The following NPAS2 variants were observed in gnomAD, a reference collection of about 807,000 sequenced individuals.
The protein encoded by NPAS2 is neuronal PAS domain-containing protein 2.
NPAS2 carries 23 observed loss-of-function variants against 107.5 expected under a neutral mutation model. That is an observed-to-expected ratio of 0.21 (90% confidence interval 0.15 to 0.30). The LOEUF (loss-of-function observed/expected upper bound fraction) is 0.30. Ranked by LOEUF, NPAS2 falls within the 10% of genes least tolerant of loss-of-function variation. The pLI, the probability that NPAS2 is intolerant of heterozygous loss-of-function variation, is 1.00. For synonymous variants in NPAS2, 403 were observed against 417.5 expected (o/e 0.97, Z 0.42); for missense variants, 756 against 1,043.3 (o/e 0.72, Z 3.79).
At chr2:100,842,352 A>G (rs1157547165) in intron 1 of NPAS2, among the ~76,000 whole-genome samples, 2 of 152,052 alleles carry the variant, frequency 1.3e-5, no homozygotes, top group East Asian at 3.9e-4. Flanking sequence ...TTGGGGAGGG[A>G]GGCAGCTACT....
At position 100,909,737 on chromosome 2, in the gene NPAS2, G is replaced by GT. The variant is rs34081201; in HGVS notation, c.32+4965dup. Among the ~76,000 whole-genome samples the GT allele has an allele frequency of 2.1e-3, 304 of 146,866 alleles. 1 individual carries two copies. Among genetic ancestry groups the GT allele is most frequent in the Middle Eastern group, 7.0e-3 (2 of 286 alleles). On this transcript the variant is annotated intron_variant, in intron 2 of 20. Transcript: ENST00000335681. Reference sequence around the variant, plus strand: ...AAAACATCTCTGAGGCTTCCTCTTTGTTTTTTTTTTTTTTATGGTTAAGGC... The same window carrying GT: ...AAAACATCTCTGAGGCTTCCTCTTTGTTTTTTTTTTTTTTTATGGTTAAGGC...
At position 100,947,612 on chromosome 2, in the gene NPAS2, C is replaced by G. The variant is rs533951486; in HGVS notation, c.364-623C>G. ...GTTCACACTAGCCACGTTTCAAGTG[C>G]TCAGTAACCATGTGGCTAGTGGCTC... On this transcript the variant is annotated intron_variant, in intron 5 of 20. Transcript: ENST00000335681. Among the ~76,000 whole-genome samples the G allele has an allele frequency of 7.9e-5, 12 of 152,186 alleles. 1 individual carries two copies. The East Asian group carries it at 2.3e-3, about 29-fold the overall frequency.
At chr2:100,991,323 C>T (rs1170504796) in intron 19 of NPAS2, among the ~76,000 whole-genome samples, 1 of 152,226 alleles carries the variant, frequency 6.6e-6, no homozygotes, top group African/African-American at 2.4e-5. Context: ...GCCTCCTCTC[C>T]ACTAGCACCG....
At chr2:100,831,483 G>A (rs1489798120) in intron 1 of NPAS2, among the ~76,000 whole-genome samples, 1 of 152,120 alleles carries the variant, frequency 6.6e-6, no homozygotes, top group African/African-American at 2.4e-5. Flanking sequence ...GGGGTGTGTG[G>A]TAAGGTGGGG....
rs13392938 is a variant in NPAS2, at chr2:100,955,591, C to T, written c.598+6111C>T. 4.1e-3 allele frequency among the ~76,000 whole-genome samples: 618 copies of T among 152,268 alleles called. 3 individuals carry two copies. The highest frequency in any genetic ancestry group is 0.014 in the African/African-American group (590 of 41,542). ...GAAGAGCTGCAGTCACTTCTTTGGC[C>T]TTAAATCCAAAGTGGAGATTGAACA... On this transcript the variant is annotated intron_variant, in intron 7 of 20. Transcript: ENST00000335681.
At chr2:100,823,382 A>T (rs1404444228) in intron 1 of NPAS2, among the ~76,000 whole-genome samples, 1 of 152,128 alleles carries the variant, frequency 6.6e-6, no homozygotes, top group Non-Finnish European at 1.5e-5. Context: ...TCCCCCAGAG[A>T]CCACTTGAAC....
chr2:100,831,910 G>T (rs889306386), intron 1 of NPAS2, among the ~76,000 whole-genome samples: 15 of 151,986 alleles, frequency 9.9e-5, no homozygotes, highest in Non-Finnish European at 2.1e-4. Flanking sequence ...TCTCAAACCT[G>T]CAAACCCATA....
At chr2:100,964,573 T>C (rs2105154182) in intron 8 of NPAS2, among the ~76,000 whole-genome samples, 1 of 152,320 alleles carries the variant, frequency 6.6e-6, no homozygotes, top group African/African-American at 2.4e-5. Context: ...AATGAGTAAT[T>C]CAGATTCCGA....
At chr2:100,939,043 C>G (rs868280345) in intron 5 of NPAS2, among the ~76,000 whole-genome samples, 5 of 152,160 alleles carry the variant, frequency 3.3e-5, no homozygotes, top group Admixed American at 6.5e-5. Flanking sequence ...GCCCAGGGAA[C>G]AGCGTGGCCT....
At chr2:100,980,500 C>A (rs933368936) in intron 15 of NPAS2, among the ~76,000 whole-genome samples, 1 of 151,954 alleles carries the variant, frequency 6.6e-6, no homozygotes, top group African/African-American at 2.4e-5. Flanking sequence ...GACGGGGTCT[C>A]ACTCTGTTGC....
In NPAS2 at chr2:100,996,014, T is replaced by C. The variant is rs1678427768; in HGVS notation, c.*432T>C. On this transcript the variant is annotated 3_prime_UTR_variant, in exon 21 of 21. Coordinates refer to ENST00000335681, the MANE Select transcript of NPAS2 (RefSeq NM_002518.4). The stretch of plus-strand genomic sequence containing the variant: ...GAGAAGGACTGGGTCAGAGATCTGT[T>C]GGAGAGAGAGAATAAAGAGATTATT... 5.2e-6 allele frequency: 6 copies of C among 1,161,594 alleles called. No individual in the cohort carries two copies. The highest frequency in any genetic ancestry group is 5.5e-6 in the Non-Finnish European group (5 of 906,700). 72.0% of individuals were successfully genotyped at this position (1,161,594 alleles called of 1,614,324 possible).
At chr2:100,943,267 A>G (rs13429998) in intron 5 of NPAS2, among the ~76,000 whole-genome samples, 3,176 of 152,268 alleles carry the variant, frequency 0.021, 77 homozygotes, top group African/African-American at 0.055. Flanking sequence ...ATGGAGTTGT[A>G]CTTTGCTTTT....
chr2:100,915,504 C>T (rs1222880371), intron 2 of NPAS2, among the ~76,000 whole-genome samples: 3 of 152,158 alleles, frequency 2.0e-5, no homozygotes, highest in Admixed American at 6.5e-5. Flanking sequence ...TGATCTTGAG[C>T]AGCATACCAT....
In NPAS2 at chr2:100,927,719, C is replaced by T. The variant is rs182644055; in HGVS notation, c.181+2425C>T. ...ATCACACGATCACCTGCATATGCCA[C>T]TTGAACTCATCCTTGAGCTCACATC... is the stretch of plus-strand genomic sequence containing the variant. On this transcript the variant is annotated intron_variant, in intron 3 of 20. Transcript: ENST00000335681. 2.0e-3 allele frequency among the ~76,000 whole-genome samples: 306 copies of T among 152,356 alleles called. 1 individual carries two copies. The highest frequency in any genetic ancestry group is 6.8e-3 in the African/African-American group (283 of 41,586).
chr2:100,968,596 G>C lies in NPAS2; in HGVS notation c.1055+168G>C, dbSNP rs1488307566. On this transcript the variant is annotated intron_variant, in intron 11 of 20. Coordinates refer to ENST00000335681, the MANE Select transcript of NPAS2 (RefSeq NM_002518.4). The surrounding 1 kb of genome is among the most constrained non-coding windows in gnomAD (Gnocchi z 5.3). ...TGCCGTTAACAGCACAATTCCCAGA[G>C]CTCAGCTCGCTTCCAGGCACCACTG... Among the ~76,000 whole-genome samples the C allele has an allele frequency of 1.3e-5, 2 of 152,138 alleles. No homozygotes were observed. Among genetic ancestry groups the C allele is most frequent in the African/African-American group, 4.8e-5 (2 of 41,434 alleles).
At chr2:100,835,846 A>G (rs1259048552) in intron 1 of NPAS2, among the ~76,000 whole-genome samples, 1 of 152,162 alleles carries the variant, frequency 6.6e-6, no homozygotes, top group Admixed American at 6.5e-5. Context: ...GGTCACCCCA[A>G]AACATATCCT....
At chr2:100,942,341 C>T (rs77561918) in intron 5 of NPAS2, among the ~76,000 whole-genome samples, 241 of 152,254 alleles carry the variant, frequency 1.6e-3, no homozygotes, top group African/African-American at 5.6e-3. Context: ...CCATGAGACA[C>T]CTTTTCAGGA....
At chr2:100,866,151 T>C (rs1679238917) in intron 1 of NPAS2, among the ~76,000 whole-genome samples, 1 of 152,226 alleles carries the variant, frequency 6.6e-6, no homozygotes, top group East Asian at 1.9e-4. Context: ...AGATTGGAAG[T>C]GGAGTGAGCA....
At chr2:100,907,614 G>A (rs1049857706) in intron 2 of NPAS2, among the ~76,000 whole-genome samples, 2 of 151,964 alleles carry the variant, frequency 1.3e-5, no homozygotes, top group African/African-American at 4.8e-5. Context: ...GGCATGAATT[G>A]TTTTTACTCA....
Sources: allele counts gnomAD v4.1 joint callset (sites outside exome capture counted in the v4.1 genomes callset), GRCh38; gene constraint gnomAD v4.1.1; non-coding constraint Gnocchi (gnomAD v3.1); transcripts MANE v1.5; gene names NCBI Gene and HGNC (gene_info 2026-07-23, HGNC 2026-07-21).